The following DCLK1 variants were observed in gnomAD, a reference collection of about 807,000 sequenced individuals.
DCLK1 encodes serine/threonine-protein kinase DCLK1.
Under a neutral mutation model 86.2 loss-of-function variants are expected in DCLK1, and 16 were observed. The observed-to-expected ratio is 0.19, with a 90% CI of 0.13 to 0.28. The LOEUF (loss-of-function observed/expected upper bound fraction) is 0.28. Ranked by LOEUF, DCLK1 falls within the 10% of genes least tolerant of loss-of-function variation. The pLI, the probability that DCLK1 is intolerant of heterozygous loss-of-function variation, is 1.00. For missense variants in DCLK1, 590 were observed against 940.2 expected, an observed-to-expected ratio of 0.63 and a Z score of 4.87; for synonymous variants, 369 against 370.5, an observed-to-expected ratio of 1.00 and a Z score of 0.05.
At chr13:36,130,068 TA>T (rs1451561779) in intron 1 of DCLK1, among the ~76,000 whole-genome samples, 1 of 152,066 alleles carries the variant, frequency 6.6e-6, no homozygotes, top group Non-Finnish European at 1.5e-5. Context: ...TGGCATGAAA[TA>T]AAACGCACAC....
At chr13:35,963,050 G>A (rs1878541913) in intron 3 of DCLK1, among the ~76,000 whole-genome samples, 2 of 152,210 alleles carry the variant, frequency 1.3e-5, no homozygotes, top group African/African-American at 4.8e-5. Flanking sequence ...CCAAGAACAA[G>A]TGAATCATGG....
chr13:35,898,040 T>C (rs538142733), intron 4 of DCLK1, among the ~76,000 whole-genome samples: 1 of 152,312 alleles, frequency 6.6e-6, no homozygotes, highest in Admixed American at 6.5e-5. Context: ...AAATATATGA[T>C]CTAAAATAGC....
intron 3 of DCLK1, among the ~76,000 whole-genome samples, chr13:36,013,298 G>C (rs1490419042): frequency 1.7e-4 from 26 of 151,346 alleles, no homozygotes; most frequent in African/African-American, 6.3e-4. Flanking sequence ...GAGGAGGAGA[G>C]GCGCTCTGCG....
intron 5 of DCLK1, among the ~76,000 whole-genome samples, chr13:35,871,015 A>T (rs955882804): frequency 6.6e-6 from 1 of 152,200 alleles, no homozygotes; most frequent in Admixed American, 6.5e-5. Context: ...CTGAGTCCTC[A>T]CTAAGTACAT....
intron 3 of DCLK1, among the ~76,000 whole-genome samples, chr13:36,103,114 G>A (rs994678108): frequency 1.3e-5 from 2 of 151,962 alleles, no homozygotes; most frequent in African/African-American, 2.4e-5. Context: ...TAAAGAAAAA[G>A]ACAGGGCCAG....
At chr13:36,074,503 AAAAAAAAAAAAAAACAG>A (rs1884106591) in intron 3 of DCLK1, among the ~76,000 whole-genome samples, 2 of 89,414 alleles carry the variant, frequency 2.2e-5, no homozygotes, top group African/African-American at 8.7e-5. Flanking sequence ...AAAAAAAAAA[AAAAAAAAAAAAAAACAG>A]AGAAGACAAT....
At chr13:35,828,506 G>T (rs1221486639) in intron 8 of DCLK1, among the ~76,000 whole-genome samples, 199 bp from the exon 9 acceptor site, 1 of 152,118 alleles carries the variant, frequency 6.6e-6, no homozygotes, top group African/African-American at 2.4e-5. Flanking sequence ...AGGACAGTAA[G>T]TCTGCTGGCA....
chr13:35,768,818 A>C lies in DCLK1; in HGVS notation c.*5717T>G, dbSNP rs2086278127. The C allele has an allele frequency of 1.3e-5, 2 of 152,242 alleles. No individual in the cohort carries two copies. The highest frequency in any genetic ancestry group is 4.8e-5 in the African/African-American group (2 of 41,464). 9.4% of individuals were successfully genotyped at this position (152,242 alleles called of 1,614,324 possible). On this transcript the variant is annotated 3_prime_UTR_variant, in exon 17 of 17. Transcript: ENST00000360631. ...AAGCTACACTCTGACCGCATGACTAATTTTTAAAGCCTTGCATAGAGAGAA... is the reference window on the plus strand; with the variant it reads ...AAGCTACACTCTGACCGCATGACTACTTTTTAAAGCCTTGCATAGAGAGAA...
intron 3 of DCLK1, among the ~76,000 whole-genome samples, chr13:36,039,266 T>C (rs1478319813): frequency 6.6e-6 from 1 of 152,190 alleles, no homozygotes; most frequent in Admixed American, 6.5e-5. Flanking sequence ...ATTTCTGAAG[T>C]GTGAAACTGC....
chr13:35,823,778 G>A (rs1483097963), intron 10 of DCLK1, among the ~76,000 whole-genome samples: 2 of 152,122 alleles, frequency 1.3e-5, no homozygotes, highest in African/African-American at 4.8e-5. Context: ...AATGCGCTAA[G>A]GAACTCAGTT....
rs540953204 is a variant in DCLK1 at position 35,941,499 on chromosome 13, T to A, written c.823+5859A>T. 2.0e-5 allele frequency among the ~76,000 whole-genome samples: 3 copies of A among 152,340 alleles called. No homozygotes were observed. In the South Asian group the frequency reaches 6.2e-4, roughly 32 times the overall value. On this transcript the variant is annotated intron_variant, in intron 4 of 16. Transcript: ENST00000360631. ...AGAACAACACTGGACTACAGGCACG[T>A]CTGTCTGGTGCAGGGAGAAGCAGAA...
chr13:35,796,208 G>A lies in DCLK1; in HGVS notation c.1945-2729C>T, dbSNP rs567524817. On this transcript the variant is annotated intron_variant, in intron 15 of 16. Transcript: ENST00000360631. ...CACAAGTACTTCTTACCATCTCTTTGTAGAGTTCCAGGCTACCTCGGGCAA... is the reference window on the plus strand; with the variant it reads ...CACAAGTACTTCTTACCATCTCTTTATAGAGTTCCAGGCTACCTCGGGCAA... Among the ~76,000 whole-genome samples, 16 of 152,266 alleles carry A rather than the reference G, an allele frequency of 1.1e-4. No homozygotes were observed. In the South Asian group the frequency reaches 3.3e-3, roughly 32 times the overall value.
chr13:36,059,868 C>CTTTTTTTTTTTTTTTTTTTT (rs57867541), intron 3 of DCLK1, among the ~76,000 whole-genome samples: 9 of 140,326 alleles, frequency 6.4e-5, no homozygotes, highest in African/African-American at 5.3e-5. Context: ...ACTTAAATCT[C>CTTTTTTTTTTTTTTTTTTTT]TTTTTTTTTT....
intron 4 of DCLK1, among the ~76,000 whole-genome samples, chr13:35,941,281 G>A (rs1472880639): frequency 6.6e-6 from 1 of 152,148 alleles, no homozygotes; most frequent in Non-Finnish European, 1.5e-5. Context: ...CCAGAATTAG[G>A]GAAAGTGATC....
intron 5 of DCLK1, among the ~76,000 whole-genome samples, chr13:35,857,654 A>G (rs1474737441): frequency 1.3e-5 from 2 of 152,270 alleles, no homozygotes; most frequent in Non-Finnish European, 2.9e-5. Flanking sequence ...GAACCGAGGT[A>G]TCACAACAGC....
chr13:35,804,724 C>T (rs1300003250), intron 15 of DCLK1, among the ~76,000 whole-genome samples: 4 of 152,060 alleles, frequency 2.6e-5, no homozygotes, highest in South Asian at 2.1e-4. Flanking sequence ...TGAGGCACTG[C>T]GCCCAGCCAA....
chr13:36,067,706 C>T (rs1221536786), intron 3 of DCLK1, among the ~76,000 whole-genome samples: 1 of 151,838 alleles, frequency 6.6e-6, no homozygotes, highest in Non-Finnish European at 1.5e-5. Context: ...TCAGCTCTAC[C>T]TCCTTGAGGA....
intron 3 of DCLK1, among the ~76,000 whole-genome samples, chr13:35,982,384 A>G (rs1398262941): frequency 1.4e-5 from 2 of 145,980 alleles, no homozygotes; most frequent in Non-Finnish European, 3.0e-5. Context: ...CTATTTCAAG[A>G]GAAAGAAAAG....
intron 3 of DCLK1, among the ~76,000 whole-genome samples, chr13:35,982,688 G>A (rs372198515): frequency 6.6e-6 from 1 of 152,186 alleles, no homozygotes; most frequent in African/African-American, 2.4e-5. Context: ...AAACCTGATT[G>A]TTAAGTTACG....
Sources: gnomAD v4.1 joint callset for allele counts (sites outside exome capture counted in the v4.1 genomes callset) on GRCh38, gnomAD v4.1.1 for gene constraint, MANE v1.5 for transcripts, NCBI Gene and HGNC (gene_info 2026-07-23, HGNC 2026-07-21) for gene names.